Variants in GRIN2B observed in about 807,000 individuals in gnomAD.
The protein encoded by GRIN2B is glutamate receptor ionotropic, NMDA 2B.
In GRIN2B, 5 loss-of-function variants were observed where a neutral mutation model predicts 114.5. The ratio of observed to expected loss-of-function variants is 0.04; its 90% CI spans 0.02 to 0.09. The LOEUF is 0.09. Ranked by LOEUF, GRIN2B falls within the 10% of genes least tolerant of loss-of-function variation. The pLI, the probability that GRIN2B is intolerant of heterozygous loss-of-function variation, is 1.00. For missense variants in GRIN2B, 1,108 were observed against 1,943.5 expected, an observed-to-expected ratio of 0.57 and a Z score of 8.08; for synonymous variants, 787 against 745.1, an observed-to-expected ratio of 1.06 and a Z score of -0.92.
chr12:13,574,005 A>G (rs1238116340), intron 10 of GRIN2B, among the ~76,000 whole-genome samples: 1 of 152,202 alleles, frequency 6.6e-6, no homozygotes, highest in African/African-American at 2.4e-5. Flanking sequence ...AGGGGTTATA[A>G]TTTTTAAGTG....
intron 3 of GRIN2B, among the ~76,000 whole-genome samples, chr12:13,794,954 G>C (rs977220630): frequency 2.0e-5 from 3 of 152,218 alleles, no homozygotes; most frequent in Non-Finnish European, 4.4e-5. Context: ...CATGAGAGGA[G>C]CTGCCACATG....
At chr12:13,738,646 T>A (rs1369189474) in intron 4 of GRIN2B, among the ~76,000 whole-genome samples, 1 of 152,178 alleles carries the variant, frequency 6.6e-6, no homozygotes, top group African/African-American at 2.4e-5. Context: ...CAGGAAAGAA[T>A]GAAAGGAAGG....
intron 4 of GRIN2B, among the ~76,000 whole-genome samples, chr12:13,719,839 T>G (rs1356315574): frequency 6.6e-6 from 1 of 152,080 alleles, no homozygotes; most frequent in Non-Finnish European, 1.5e-5. Context: ...CTCTCGTTAC[T>G]TGGTGCTTTT....
intron 4 of GRIN2B, among the ~76,000 whole-genome samples, chr12:13,678,599 C>T (rs1261357023): frequency 6.6e-6 from 1 of 152,092 alleles, no homozygotes; most frequent in Non-Finnish European, 1.5e-5. Flanking sequence ...CACCTCCACT[C>T]AGTGACATGT....
At chr12:13,628,548 GAA>G (rs1354884996) in intron 5 of GRIN2B, among the ~76,000 whole-genome samples, 1 of 152,210 alleles carries the variant, frequency 6.6e-6, no homozygotes, top group Non-Finnish European at 1.5e-5. Context: ...GGACACTAAT[GAA>G]AAGTGATGCA....
chr12:13,858,667 C>CTT (rs142849157), intron 3 of GRIN2B, among the ~76,000 whole-genome samples: 2 of 151,972 alleles, frequency 1.3e-5, no homozygotes, highest in Non-Finnish European at 2.9e-5. Flanking sequence ...TAATAATTCA[C>CTT]TTTTTTTTAA....
intron 2 of GRIN2B, among the ~76,000 whole-genome samples, chr12:13,976,212 T>C (rs573220938): frequency 3.0e-4 from 45 of 152,360 alleles, no homozygotes; most frequent in African/African-American, 1.0e-3. Context: ...CTACTCTCCC[T>C]GGAGACTTCC....
Position 13,628,349 on chromosome 12 carries a change from G to A in GRIN2B, c.1126-11692C>T, listed in dbSNP as rs566388386. Among the ~76,000 whole-genome samples, 359 of 152,280 alleles carry A rather than the reference G, an allele frequency of 2.4e-3. 2 individuals are homozygous for A. The highest frequency in any genetic ancestry group is 4.6e-3 in the Non-Finnish European group (312 of 68,020). On this transcript the variant is annotated intron_variant, in intron 5 of 13. Coordinates refer to ENST00000609686, the MANE Select transcript of GRIN2B (RefSeq NM_000834.5). Reference sequence around the variant, plus strand: ...ATGATTATACTGGTCTTCAAACAAGGCTTACTGGACTGGTCCCCAGCTTGC... The same window carrying A: ...ATGATTATACTGGTCTTCAAACAAGACTTACTGGACTGGTCCCCAGCTTGC...
Position 13,564,456 on chromosome 12 carries a change from C to T in GRIN2B, c.2782G>A (p.Glu928Lys). The change falls in exon 14 of 14, where the codon GAG (glutamate) becomes AAG (lysine). Residue 928 changes from glutamate to lysine, a missense_variant. Coordinates refer to ENST00000609686, the MANE Select transcript of GRIN2B (RefSeq NM_000834.5). The surrounding 1 kb of genome is among the most constrained non-coding windows in gnomAD (Gnocchi z 4.8). ...TCTGAGATGTCATAGACGGATGACTCCCGTCGGATGAAGTCCAGGGCGCTC... is the reference window on the plus strand; with the variant it reads ...TCTGAGATGTCATAGACGGATGACTTCCGTCGGATGAAGTCCAGGGCGCTC... ...PQSALDFIRR[E>K]SSVYDISEHR... is the part of the protein sequence containing the mutation. 2 of 1,614,192 alleles carry T rather than the reference C, an allele frequency of 1.2e-6. No homozygotes were observed. Among genetic ancestry groups the T allele is most frequent in the Non-Finnish European group, 1.7e-6 (2 of 1,180,012 alleles).
intron 5 of GRIN2B, among the ~76,000 whole-genome samples, chr12:13,618,702 G>A (rs760619433): frequency 3.9e-5 from 6 of 152,132 alleles, no homozygotes; most frequent in Non-Finnish European, 7.3e-5. Context: ...TCTGTACATT[G>A]AGTCTAGCCT....
At chr12:13,755,731 C>T (rs1007056164) in intron 3 of GRIN2B, among the ~76,000 whole-genome samples, 1 of 152,192 alleles carries the variant, frequency 6.6e-6, no homozygotes, top group African/African-American at 2.4e-5. Flanking sequence ...TTAAATAACA[C>T]AGTGGGACTT....
rs1948440465 is a variant in GRIN2B, at chr12:13,553,362, C to G, written c.*9421G>C. The G allele has an allele frequency of 6.6e-6, 1 of 152,200 alleles. No homozygotes were observed. The highest frequency in any genetic ancestry group is 2.4e-5 in the African/African-American group (1 of 41,438). 9.4% of individuals were successfully genotyped at this position (152,200 alleles called of 1,614,324 possible). Reference sequence around the variant, plus strand: ...AGCATTCTCTCTGAGCCAGCTCATTCAAATCCTAACTTACTTTCATTGTAA... The same window carrying G: ...AGCATTCTCTCTGAGCCAGCTCATTGAAATCCTAACTTACTTTCATTGTAA... On this transcript the variant is annotated 3_prime_UTR_variant, in exon 14 of 14. Coordinates refer to ENST00000609686, the MANE Select transcript of GRIN2B (RefSeq NM_000834.5).
chr12:13,746,786 A>C (rs540100517), intron 4 of GRIN2B, among the ~76,000 whole-genome samples: 1 of 151,900 alleles, frequency 6.6e-6, no homozygotes, highest in Admixed American at 6.6e-5. Context: ...TCACTCTATT[A>C]ATTCATGTGA....
chr12:13,833,987 A>G (rs1459076030), intron 3 of GRIN2B, among the ~76,000 whole-genome samples: 1 of 150,412 alleles, frequency 6.6e-6, no homozygotes, highest in African/African-American at 2.4e-5. Flanking sequence ...GAAAAGGTGC[A>G]AGGTGAAAAC....
At chr12:13,815,281 A>C (rs1864798186) in intron 3 of GRIN2B, among the ~76,000 whole-genome samples, 2 of 152,176 alleles carry the variant, frequency 1.3e-5, no homozygotes, top group Non-Finnish European at 2.9e-5. Flanking sequence ...AGATGAATTC[A>C]ATGTATTGGT....
Position 13,788,254 on chromosome 12 carries a change from G to A in GRIN2B, c.412-34339C>T, listed in dbSNP as rs557208566. ...CCAAAGAAAAGATGTTGAATTGCGG[G>A]GACAGAACTGGACTCTCAGAACATT... On this transcript the variant is annotated intron_variant, in intron 3 of 13. Transcript: ENST00000609686. 3.3e-5 allele frequency among the ~76,000 whole-genome samples: 5 copies of A among 152,180 alleles called. No homozygotes were observed. In the South Asian group the frequency reaches 1.0e-3, roughly 32 times the overall value.
chr12:13,946,449 A>G (rs1344367368), intron 2 of GRIN2B, among the ~76,000 whole-genome samples: 1 of 151,892 alleles, frequency 6.6e-6, no homozygotes. Context: ...TTCCTCTTCC[A>G]TCTCCCCCAC....
chr12:13,655,454 T>A (rs769420926), intron 5 of GRIN2B, among the ~76,000 whole-genome samples: 1 of 152,100 alleles, frequency 6.6e-6, no homozygotes, highest in Non-Finnish European at 1.5e-5. Context: ...AGAAGGAAAA[T>A]GGGCATTAGG....
At chr12:13,592,609 A>G (rs1949022727) in intron 10 of GRIN2B, among the ~76,000 whole-genome samples, 1 of 152,156 alleles carries the variant, frequency 6.6e-6, no homozygotes, top group Non-Finnish European at 1.5e-5. Context: ...ATGGGTAATG[A>G]AGTATTGGAG....
Sources: gnomAD v4.1 joint callset for allele counts (sites outside exome capture counted in the v4.1 genomes callset) on GRCh38, gnomAD v4.1.1 for gene constraint, Gnocchi (gnomAD v3.1) non-coding constraint, MANE v1.5 for transcripts, NCBI Gene and HGNC (gene_info 2026-07-23, HGNC 2026-07-21) for gene names.